XKR4: variants seen among roughly 807,000 people sequenced by gnomAD.
XKR4 encodes the protein XK related 4.
XKR4 carries 12 observed loss-of-function variants against 53.9 expected under a neutral mutation model. The observed-to-expected ratio is 0.22, with a 90% CI of 0.14 to 0.36. The LOEUF is 0.36. Among genes scored for constraint, XKR4 ranks in the 10% least tolerant of loss-of-function variants. XKR4 has a pLI of 1.00. For synonymous variants in XKR4, 354 were observed against 362.4 expected, an observed-to-expected ratio of 0.98 and a Z score of 0.26; for missense variants, 799 against 859.5, an observed-to-expected ratio of 0.93 and a Z score of 0.88.
intron 1 of XKR4, among the ~76,000 whole-genome samples, chr8:55,178,290 T>C (rs1817259321): frequency 6.6e-6 from 1 of 152,182 alleles, no homozygotes. Context: ...AATAACCTAG[T>C]TGAGTGAGCT....
At chr8:55,284,366 T>C (rs571661455) in intron 1 of XKR4, among the ~76,000 whole-genome samples, 1 of 152,308 alleles carries the variant, frequency 6.6e-6, no homozygotes, top group African/African-American at 2.4e-5. Flanking sequence ...GCAACTTAGT[T>C]GGGTGATTCT....
At chr8:55,503,566 C>A (rs1198111215) in intron 2 of XKR4, among the ~76,000 whole-genome samples, 4 of 152,086 alleles carry the variant, frequency 2.6e-5, no homozygotes, top group East Asian at 3.8e-4. Context: ...TTTTATCCTG[C>A]AACTTTGCAA....
intron 1 of XKR4, among the ~76,000 whole-genome samples, chr8:55,189,255 C>A (rs1337748251): frequency 6.6e-6 from 1 of 152,290 alleles, no homozygotes; most frequent in East Asian, 1.9e-4. Context: ...AAAGGTAGAA[C>A]TTTGCCTGTC....
chr8:55,133,435 C>T (rs1266461285), intron 1 of XKR4, among the ~76,000 whole-genome samples: 1 of 152,196 alleles, frequency 6.6e-6, no homozygotes, highest in Non-Finnish European at 1.5e-5. Context: ...ACACTCGGTT[C>T]TGTTGGAAAT....
chr8:55,458,630 A>C (rs1249393627), intron 2 of XKR4, among the ~76,000 whole-genome samples: 1 of 152,168 alleles, frequency 6.6e-6, no homozygotes, highest in African/African-American at 2.4e-5. Context: ...TGGGATGGGG[A>C]GCTGGAAAGG....
rs571945571 is a variant in XKR4 at position 55,179,995 on chromosome 8, A to T, written c.806+76701A>T. On this transcript the variant is annotated intron_variant, in intron 1 of 2. Coordinates refer to ENST00000327381, the MANE Select transcript of XKR4 (RefSeq NM_052898.2). ...AGCTCTCCTAGAAGACCTTAATTAT[A>T]CTCATTCTTTTTGTGCAGTGACATT... Among the ~76,000 whole-genome samples the T allele has an allele frequency of 3.9e-5, 6 of 152,294 alleles. No homozygotes were observed. The South Asian group carries it at 1.2e-3, about 32-fold the overall frequency.
intron 1 of XKR4, among the ~76,000 whole-genome samples, chr8:55,291,388 T>C (rs1285482579): frequency 6.6e-6 from 1 of 152,230 alleles, no homozygotes; most frequent in African/African-American, 2.4e-5. Context: ...ATCTTGTCTA[T>C]GTCTACAAAC....
intron 1 of XKR4, among the ~76,000 whole-genome samples, chr8:55,154,027 C>G (rs1041510846): frequency 2.0e-5 from 3 of 152,150 alleles, no homozygotes; most frequent in Non-Finnish European, 2.9e-5. Context: ...ATTGACATTT[C>G]TTTCAGCTCC....
At chr8:55,134,586 G>A (rs1218647934) in intron 1 of XKR4, among the ~76,000 whole-genome samples, 2 of 152,224 alleles carry the variant, frequency 1.3e-5, no homozygotes, top group African/African-American at 4.8e-5. Flanking sequence ...TACATAGTGG[G>A]AAGAGAGACA....
At chr8:55,373,744 A>G (rs563818335) in intron 2 of XKR4, among the ~76,000 whole-genome samples, 1 of 152,350 alleles carries the variant, frequency 6.6e-6, no homozygotes, top group East Asian at 1.9e-4. Context: ...ATTGCAAAAC[A>G]CTTTGTCACA....
chr8:55,529,702 T>A lies in XKR4; in HGVS notation c.*5475T>A, dbSNP rs545589699. The A allele has an allele frequency of 2.6e-5, 4 of 152,330 alleles. No homozygotes were observed. The East Asian group carries it at 7.7e-4, about 29-fold the overall frequency. The allele number at this position is 152,330 out of a possible 1,614,324, so 9.4% of individuals were successfully genotyped here. A position where few individuals can be genotyped will look rare whatever the true frequency, so the allele number is the denominator to read the frequency against. On this transcript the variant is annotated 3_prime_UTR_variant, in exon 3 of 3. Coordinates refer to ENST00000327381, the MANE Select transcript of XKR4 (RefSeq NM_052898.2). ...GCGACTTCTGGGAGCCCAGTGACTC[T>A]TCCCACAAAATCTAGTCCTGATTTG... is the stretch of plus-strand genomic sequence containing the variant.
intron 1 of XKR4, among the ~76,000 whole-genome samples, chr8:55,294,364 A>T (rs186481990): frequency 1.2e-3 from 178 of 152,320 alleles, no homozygotes; most frequent in Middle Eastern, 3.4e-3. Context: ...GTTTTCCTTC[A>T]TGACATTATC....
At chr8:55,409,153 GA>G (rs1804739165) in intron 2 of XKR4, among the ~76,000 whole-genome samples, 1 of 152,190 alleles carries the variant, frequency 6.6e-6, no homozygotes. Context: ...CCAAAGCTGT[GA>G]ACCAATTCTC....
intron 1 of XKR4, among the ~76,000 whole-genome samples, chr8:55,158,462 G>A (rs567137464): frequency 1.3e-5 from 2 of 152,270 alleles, no homozygotes; most frequent in African/African-American, 4.8e-5. Flanking sequence ...TGTTTACTCT[G>A]TTGGTAGTTT....
At chr8:55,194,730 C>T (rs1356514031) in intron 1 of XKR4, among the ~76,000 whole-genome samples, 1 of 152,102 alleles carries the variant, frequency 6.6e-6, no homozygotes, top group East Asian at 1.9e-4. Flanking sequence ...CATTTGGAGC[C>T]CTCTAATAGC....
intron 1 of XKR4, among the ~76,000 whole-genome samples, chr8:55,166,012 G>A (rs1817060337): frequency 6.6e-6 from 1 of 152,098 alleles, no homozygotes; most frequent in Non-Finnish European, 1.5e-5. Flanking sequence ...GATGTTGTCA[G>A]AAATGACTTT....
chr8:55,402,215 C>T (rs1338465990), intron 2 of XKR4, among the ~76,000 whole-genome samples: 1 of 152,184 alleles, frequency 6.6e-6, no homozygotes, highest in Non-Finnish European at 1.5e-5. Flanking sequence ...GGTCTACTGG[C>T]CACACTTTGG....
chr8:55,451,488 C>A, intron 2 of XKR4: 1 of 1,154,484 alleles, frequency 8.7e-7, no homozygotes, highest in South Asian at 1.4e-5. Flanking sequence ...CTGCCTGGAA[C>A]TGGCCTGGAG....
At chr8:55,110,983 G>A (rs566253863) in intron 1 of XKR4, among the ~76,000 whole-genome samples, 1 of 152,236 alleles carries the variant, frequency 6.6e-6, no homozygotes, top group African/African-American at 2.4e-5. Flanking sequence ...TCCCTGAGGT[G>A]GTCTGAGTGA....
Sources: allele counts gnomAD v4.1 joint callset (sites outside exome capture counted in the v4.1 genomes callset), GRCh38; gene constraint gnomAD v4.1.1; transcripts MANE v1.5; gene names NCBI Gene and HGNC (gene_info 2026-07-23, HGNC 2026-07-21).